Variants in ADGRL2 observed in about 807,000 individuals in gnomAD.
ADGRL2 encodes the protein calcium-independent alpha-latrotoxin receptor 2.
In ADGRL2, 44 loss-of-function variants were observed where a neutral mutation model predicts 157.4. That is an observed-to-expected ratio of 0.28 (90% CI 0.22 to 0.36). The LOEUF (loss-of-function observed/expected upper bound fraction) is 0.36. Ranked by LOEUF, ADGRL2 falls within the 10% of genes least tolerant of loss-of-function variation. ADGRL2 has a pLI of 1.00. For missense variants in ADGRL2, 1,510 were observed against 1,768.9 expected (o/e 0.85, Z 2.63); for synonymous variants, 585 against 624.7 (o/e 0.94, Z 0.95).
chr1:81,350,569 A>C (rs1662808028), intron 1 of ADGRL2, among the ~76,000 whole-genome samples: 1 of 152,222 alleles, frequency 6.6e-6, no homozygotes, highest in Non-Finnish European at 1.5e-5. Context: ...AAAGATTTAA[A>C]GAGGGAATTC....
intron 1 of ADGRL2, among the ~76,000 whole-genome samples, chr1:81,318,192 A>C (rs926080048): frequency 2.0e-5 from 3 of 152,206 alleles, no homozygotes; most frequent in African/African-American, 7.2e-5. Flanking sequence ...GGTCAATAAC[A>C]GTATCAAATT....
At chr1:81,585,630 A>C (rs2081010791) in intron 3 of ADGRL2, among the ~76,000 whole-genome samples, 1 of 152,048 alleles carries the variant, frequency 6.6e-6, no homozygotes, top group Admixed American at 6.6e-5. Context: ...ACTTGATGTA[A>C]GTCTTGACCA....
At chr1:81,316,095 T>C (rs901893541) in intron 1 of ADGRL2, among the ~76,000 whole-genome samples, 10 of 151,612 alleles carry the variant, frequency 6.6e-5, no homozygotes, top group East Asian at 1.9e-4. Flanking sequence ...ATTTGTTGTA[T>C]TGGCATCTTA....
intron 2 of ADGRL2, among the ~76,000 whole-genome samples, chr1:81,891,857 A>G (rs978688209): frequency 4.6e-5 from 7 of 151,962 alleles, no homozygotes; most frequent in Admixed American, 6.6e-5. Context: ...TCTTGTTAGT[A>G]TTATTGTTAT....
chr1:81,505,944 G>T (rs1271743416), intron 2 of ADGRL2: 1 of 249,928 alleles, frequency 4.0e-6, no homozygotes, highest in African/African-American at 2.3e-5. Flanking sequence ...CAAATACTCT[G>T]CAAAGATCAT....
At chr1:81,555,272 T>C (rs1349058147) in intron 2 of ADGRL2, among the ~76,000 whole-genome samples, 1 of 150,112 alleles carries the variant, frequency 6.7e-6, no homozygotes, top group Non-Finnish European at 1.5e-5. Context: ...TTTCTTTTTT[T>C]TTTTTTTTTT....
chr1:81,950,072 GCAGA>G (rs779678339), intron 6 of ADGRL2, 113 bp from the exon 7 acceptor site: 15 of 781,996 alleles, frequency 1.9e-5, no homozygotes, highest in South Asian at 1.2e-4. Flanking sequence ...TGGTTTGTGG[GCAGA>G]CAGATGGGTA....
chr1:81,650,279 G>C (rs1271783737), intron 3 of ADGRL2, among the ~76,000 whole-genome samples: 1 of 151,904 alleles, frequency 6.6e-6, no homozygotes, highest in Non-Finnish European at 1.5e-5. Flanking sequence ...TTTGTTAATT[G>C]AAAAATTGTG....
At chr1:81,979,683 T>G (rs1661116955) in intron 17 of ADGRL2, among the ~76,000 whole-genome samples, 186 bp from the exon 18 acceptor site, 1 of 151,854 alleles carries the variant, frequency 6.6e-6, no homozygotes, top group Admixed American at 6.6e-5. Context: ...TGATGTCAAA[T>G]GATCTATTAA....
At chr1:81,934,427 A>T (rs971244383) in intron 3 of ADGRL2, among the ~76,000 whole-genome samples, 1 of 151,956 alleles carries the variant, frequency 6.6e-6, no homozygotes, top group Admixed American at 6.6e-5. Context: ...CATTCATCCA[A>T]TTACTTCTGG....
chr1:81,974,358 G>A (rs1659581611), intron 17 of ADGRL2, among the ~76,000 whole-genome samples: 1 of 152,146 alleles, frequency 6.6e-6, no homozygotes, highest in African/African-American at 2.4e-5. Flanking sequence ...GTCAGGAGCT[G>A]TTCTTATCAT....
At chr1:81,707,646 ATTG>A (rs35728784) in intron 1 of ADGRL2, among the ~76,000 whole-genome samples, 47 of 151,622 alleles carry the variant, frequency 3.1e-4, no homozygotes, top group African/African-American at 9.2e-4. Context: ...AATGTATGTT[ATTG>A]TTGTTGTTGT....
rs181807167 is a variant in ADGRL2, at chr1:81,963,223, T to C, written c.2018-2835T>C. The stretch of plus-strand genomic sequence containing the variant: ...TAAAATTACATATTTTAATTGTTTG[T>C]TGTGTGGTGTATAGAAACACGATTG... On this transcript the variant is annotated intron_variant, in intron 11 of 23. Transcript: ENST00000686636. Among the ~76,000 whole-genome samples, 224 of 152,134 alleles carry C rather than the reference T, an allele frequency of 1.5e-3. 1 individual carries two copies. The highest frequency in any genetic ancestry group is 3.4e-3 in the Middle Eastern group (1 of 292).
intron 2 of ADGRL2, among the ~76,000 whole-genome samples, chr1:81,518,946 A>G (rs1030175040): frequency 1.3e-5 from 2 of 152,204 alleles, no homozygotes; most frequent in Admixed American, 6.5e-5. Context: ...GATCTTTTCC[A>G]TAGATACTGA....
At chr1:81,968,715 G>T (rs1374958116) in intron 14 of ADGRL2, among the ~76,000 whole-genome samples, 3 of 152,104 alleles carry the variant, frequency 2.0e-5, no homozygotes, top group Non-Finnish European at 4.4e-5. Flanking sequence ...TAGCATTTCC[G>T]TCTCAGATCC....
intron 1 of ADGRL2, among the ~76,000 whole-genome samples, chr1:81,352,321 G>A (rs1022660592): frequency 2.0e-5 from 3 of 152,202 alleles, no homozygotes; most frequent in African/African-American, 4.8e-5. Flanking sequence ...TCGTCTTGCT[G>A]TTTATTTACC....
In ADGRL2 at chr1:81,593,924, C is replaced by A. The variant is rs992374566; in HGVS notation, c.-143+12944C>A. Among the ~76,000 whole-genome samples the A allele has an allele frequency of 2.6e-5, 4 of 152,148 alleles. No individual in the cohort carries two copies. The South Asian group carries it at 8.3e-4, about 32-fold the overall frequency. On this transcript the variant is annotated intron_variant, in intron 3 of 24. Coordinates refer to the ADGRL2 transcript ENST00000370721. ...TGCGAAGTTTGTTGGCATGGCTGAC[C>A]ACAAGCAAGAAGCTTCGGAGACTTC...
chr1:81,415,734 C>G (rs12144824), intron 1 of ADGRL2, among the ~76,000 whole-genome samples: 27,777 of 152,120 alleles, frequency 0.18, 3,176 homozygotes, highest in East Asian at 0.46. Context: ...CTGGGCTAGT[C>G]CTGAAATACT....
At chr1:81,601,521 A>C (rs1025148131) in intron 3 of ADGRL2, among the ~76,000 whole-genome samples, 1 of 152,228 alleles carries the variant, frequency 6.6e-6, no homozygotes, top group East Asian at 1.9e-4. Flanking sequence ...GCACATTCAC[A>C]TACAACCCCT....
Sources: gnomAD v4.1 joint callset for allele counts (sites outside exome capture counted in the v4.1 genomes callset) on GRCh38, gnomAD v4.1.1 for gene constraint, MANE v1.5 for transcripts, NCBI Gene and HGNC (gene_info 2026-07-23, HGNC 2026-07-21) for gene names.